Variants in OSBPL9 observed in about 807,000 individuals in gnomAD.
OSBPL9 encodes the protein oxysterol binding protein like 9.
Under a neutral mutation model 106.6 loss-of-function variants are expected in OSBPL9, and 40 were observed. The observed-to-expected ratio is 0.38, with a 90% CI of 0.29 to 0.49. OSBPL9 has a LOEUF of 0.49. Ranked by LOEUF, OSBPL9 falls within the 20% of genes least tolerant of loss-of-function variation. The pLI is 0.97. For synonymous variants in OSBPL9, 269 were observed against 295.4 expected (o/e 0.91, Z 0.92); for missense variants, 609 against 887.2 (o/e 0.69, Z 3.98).
At chr1:51,684,531 A>G (rs1316287197) in intron 3 of OSBPL9, among the ~76,000 whole-genome samples, 1 of 152,062 alleles carries the variant, frequency 6.6e-6, no homozygotes, top group Non-Finnish European at 1.5e-5. Flanking sequence ...AAAAAAGTTT[A>G]TTTATTTATT....
chr1:51,538,666 G>A, the OSBPL9 span: 1 of 152,054 alleles, frequency 6.6e-6, no homozygotes, highest in Admixed American at 6.6e-5. Context: ...CCTTGTGTAG[G>A]AGTCAAGCCA....
At chr1:51,630,037 C>A (rs1352309886) in intron 1 of OSBPL9, among the ~76,000 whole-genome samples, 2 of 152,040 alleles carry the variant, frequency 1.3e-5, no homozygotes, top group African/African-American at 2.4e-5. Flanking sequence ...AATTTATATA[C>A]CCTTTTTCAC....
At chr1:51,617,294 T>C (rs1387549925) in intron 1 of OSBPL9, 73 bp downstream of exon 1, 14 of 1,447,288 alleles carry the variant, frequency 9.7e-6, no homozygotes, top group Non-Finnish European at 1.2e-5. Context: ...GGACCGGGGT[T>C]TTAGGTGGCT....
intron 1 of OSBPL9, among the ~76,000 whole-genome samples, chr1:51,581,854 G>A (rs942945203): frequency 1.3e-5 from 2 of 152,100 alleles, no homozygotes; most frequent in Non-Finnish European, 2.9e-5. Context: ...AGCTCTTTCA[G>A]TTGTCTCCTA....
chr1:51,726,700 G>A (rs1313520751), intron 4 of OSBPL9, among the ~76,000 whole-genome samples: 2 of 152,034 alleles, frequency 1.3e-5, no homozygotes, highest in Non-Finnish European at 2.9e-5. Context: ...TTCATGGGTT[G>A]GAAATCACCT....
intron 12 of OSBPL9, 53 bp downstream of exon 12, chr1:51,766,034 T>C: frequency 6.8e-7 from 1 of 1,478,558 alleles, no homozygotes; most frequent in East Asian, 2.4e-5. Flanking sequence ...TTTTTAAAAA[T>C]CTAATTTGAT....
chr1:51,678,050 G>A (rs948323786), intron 3 of OSBPL9, among the ~76,000 whole-genome samples: 1 of 151,830 alleles, frequency 6.6e-6, no homozygotes, highest in Non-Finnish European at 1.5e-5. Context: ...GCATGGTGGC[G>A]TGTGTGCCTG....
intron 3 of OSBPL9, among the ~76,000 whole-genome samples, chr1:51,671,385 A>G (rs1209199478): frequency 2.6e-5 from 4 of 152,232 alleles, no homozygotes; most frequent in Non-Finnish European, 5.9e-5. Context: ...AATGTGCTGA[A>G]GTTTTTATTG....
intron 4 of OSBPL9, among the ~76,000 whole-genome samples, chr1:51,739,989 C>CT (rs780867712): frequency 3.1e-4 from 45 of 147,046 alleles, no homozygotes; most frequent in South Asian, 4.3e-4. Flanking sequence ...TTGGCATAAT[C>CT]TTTTTTTTTT....
chr1:51,635,850 C>A (rs1645399215), intron 1 of OSBPL9, among the ~76,000 whole-genome samples: 1 of 152,020 alleles, frequency 6.6e-6, no homozygotes. Flanking sequence ...ATTTTGAAAT[C>A]TCTACAGCCC....
At chr1:51,635,777 G>A (rs1308359185) in intron 1 of OSBPL9, among the ~76,000 whole-genome samples, 7 of 151,900 alleles carry the variant, frequency 4.6e-5, no homozygotes, top group Non-Finnish European at 1.5e-5. Context: ...TGAAAAACCT[G>A]AGACTCGACA....
intron 2 of OSBPL9, among the ~76,000 whole-genome samples, chr1:51,599,860 G>A (rs1026784509): frequency 4.6e-5 from 7 of 152,174 alleles, no homozygotes; most frequent in Non-Finnish European, 1.0e-4. Flanking sequence ...AGGCTGGGAC[G>A]TCCAAGATCA....
intron 1 of OSBPL9, among the ~76,000 whole-genome samples, chr1:51,582,077 A>G (rs1282741341): frequency 6.6e-6 from 1 of 152,208 alleles, no homozygotes; most frequent in East Asian, 1.9e-4. Flanking sequence ...AAATGTTTTA[A>G]TTGGAGTATA....
intron 2 of OSBPL9, among the ~76,000 whole-genome samples, chr1:51,658,373 T>G (rs1646943265): frequency 6.6e-6 from 1 of 152,166 alleles, no homozygotes; most frequent in South Asian, 2.1e-4. Context: ...TGGTAGTTTT[T>G]TTTTTGTAAT....
At chr1:51,735,650 T>C (rs1158720367) in intron 4 of OSBPL9, among the ~76,000 whole-genome samples, 1 of 152,280 alleles carries the variant, frequency 6.6e-6, no homozygotes, top group African/African-American at 2.4e-5. Context: ...TGCTTCATCT[T>C]GGCATCCCCA....
At position 51,618,464 on chromosome 1, in the gene OSBPL9, A is replaced by G. The variant is rs1254847733; in HGVS notation, c.111+1243A>G. Among the ~76,000 whole-genome samples, 7 of 152,362 alleles carry G rather than the reference A, an allele frequency of 4.6e-5. No individual in the cohort carries two copies. In the East Asian group the frequency reaches 1.2e-3, roughly 25 times the overall value. On this transcript the variant is annotated intron_variant, in intron 1 of 23. Coordinates refer to ENST00000428468, the MANE Select transcript of OSBPL9 (RefSeq NM_024586.6). ...TAGCCGATATGAGGGAAGAAAATAC[A>G]TAAGAGGACAAAATAGAATGCCCAG...
chr1:51,707,600 T>G (rs376400050), intron 3 of OSBPL9: 40 of 184,304 alleles, frequency 2.2e-4, no homozygotes, highest in African/African-American at 9.2e-4. Context: ...TGGGTGGCAG[T>G]GATGGCATGG....
At chr1:51,669,815 G>A in intron 3 of OSBPL9, 1 of 520,788 alleles carries the variant, frequency 1.9e-6, no homozygotes, top group South Asian at 1.5e-5. Flanking sequence ...TTTACAGAAG[G>A]TTGCTGATCT....
chr1:51,539,218 A>G, the OSBPL9 span, among the ~76,000 whole-genome samples: 61 of 152,256 alleles, frequency 4.0e-4, no homozygotes, highest in Admixed American at 3.8e-3. Flanking sequence ...TTCCCTGCCA[A>G]ACCTGCTTCG....
Sources: gnomAD v4.1 joint callset for allele counts (sites outside exome capture counted in the v4.1 genomes callset) on GRCh38, gnomAD v4.1.1 for gene constraint, MANE v1.5 for transcripts, NCBI Gene and HGNC (gene_info 2026-07-23, HGNC 2026-07-21) for gene names.